Variants in LPO observed in about 807,000 individuals in gnomAD.
The protein encoded by LPO is lactoperoxidase.
LPO carries 70 observed loss-of-function variants against 68.4 expected under a neutral mutation model. The observed-to-expected ratio is 1.02, with a 90% confidence interval of 0.84 to 1.25. LPO has a LOEUF of 1.25. LPO is among the 50% of genes most tolerant of loss of function. The probability of loss-of-function intolerance (pLI) is 0.00; values close to 1 mark genes in which losing one functional copy is unlikely to be tolerated. For missense variants in LPO, 873 were observed against 908.4 expected, an observed-to-expected ratio of 0.96 and a Z score of 0.50; for synonymous variants, 360 against 357.6, an observed-to-expected ratio of 1.01 and a Z score of -0.08.
At chr17:58,247,763 C>G in intron 4 of LPO, 125 bp downstream of exon 4, 1 of 1,086,210 alleles carries the variant, frequency 9.2e-7, no homozygotes, top group South Asian at 1.6e-5. Flanking sequence ...TCCTGTCTCT[C>G]CCTTCTTAGA....
At chr17:58,255,079 C>A in intron 9 of LPO, 108 bp downstream of exon 9, 1 of 1,133,698 alleles carries the variant, frequency 8.8e-7, no homozygotes, top group African/African-American at 1.6e-5. Flanking sequence ...TCCCACACCT[C>A]CGTTTCCCCC....
chr17:58,241,355 C>T (rs993218990), intron 1 of LPO, among the ~76,000 whole-genome samples: 2 of 152,028 alleles, frequency 1.3e-5, no homozygotes, highest in African/African-American at 4.8e-5. Flanking sequence ...AAGTGATCCG[C>T]CTGCCTCAGC....
chr17:58,253,772 G>A (rs1385667689), intron 8 of LPO, among the ~76,000 whole-genome samples: 1 of 152,142 alleles, frequency 6.6e-6, no homozygotes, highest in East Asian at 1.9e-4. Context: ...GTTCTTTCTT[G>A]TTTTTCATAA....
intron 2 of LPO, 24 bp from the exon 3 acceptor site, chr17:58,243,970 C>T (rs1309168182): frequency 1.3e-6 from 2 of 1,558,164 alleles, no homozygotes; most frequent in Admixed American, 3.3e-5. Flanking sequence ...CACCCTACTT[C>T]CTGCTCCCCA....
At chr17:58,249,807 C>T in intron 6 of LPO, 112 bp downstream of exon 6, 6 of 1,371,102 alleles carry the variant, frequency 4.4e-6, no homozygotes, top group East Asian at 2.7e-5. Flanking sequence ...CAGGGGTGCG[C>T]GATGGAGATC....
At chr17:58,239,002 A>G (rs1448964975) in intron 1 of LPO, among the ~76,000 whole-genome samples, 1 of 152,098 alleles carries the variant, frequency 6.6e-6, no homozygotes, top group African/African-American at 2.4e-5. Flanking sequence ...TTAGGGCTGG[A>G]AGGTACCATA....
Position 58,249,663 on chromosome 17 carries a change from G to A in LPO, c.541G>A (p.Gly181Arg). 6.3e-7 allele frequency: 1 copy of A among 1,585,616 alleles called. No homozygotes were observed. Among genetic ancestry groups the A allele is most frequent in the Non-Finnish European group, 8.5e-7 (1 of 1,172,336 alleles). The part of the protein sequence containing the change: ...GLSLPFGWTP[G>R]KTRNGFPLPL... ...CTCCCTGCCCTTCGGCTGGACGCCG[G>A]GGAAGACGCGCAACGGCTTCCCTCT... Residue 181 changes from glycine (G) to arginine (R), a missense_variant, in exon 6 of 13, where the codon GGG becomes AGG. Transcript: ENST00000262290.
At chr17:58,266,656 T>C (rs750033329) in intron 11 of LPO, among the ~76,000 whole-genome samples, 7 of 151,900 alleles carry the variant, frequency 4.6e-5, no homozygotes, top group Admixed American at 2.0e-4. Flanking sequence ...ATAGTCTTGC[T>C]ATGTTGCCCA....
chr17:58,255,209 C>G (rs746014802), intron 9 of LPO, among the ~76,000 whole-genome samples: 1 of 152,176 alleles, frequency 6.6e-6, no homozygotes, highest in Non-Finnish European at 1.5e-5. Context: ...GTCACTTGTG[C>G]GTTGGTCCCT....
chr17:58,246,591 G>T (rs1969856467), intron 3 of LPO, among the ~76,000 whole-genome samples: 1 of 152,178 alleles, frequency 6.6e-6, no homozygotes, highest in South Asian at 2.1e-4. Flanking sequence ...GGGCGGGAAA[G>T]GAAGGAACAT....
rs1411248861 is a variant in LPO at position 58,264,907 on chromosome 17, A to G, written c.1452A>G (p.Pro484=). The G allele has an allele frequency of 4.3e-6, 7 of 1,614,082 alleles. No homozygotes were observed. The highest frequency in any genetic ancestry group is 2.7e-5 in the African/African-American group (2 of 74,930). The change falls in exon 10 of 13, where the codon CCA becomes CCG. Residue 484 remains proline (P), a synonymous_variant. Coordinates refer to ENST00000262290, the MANE Select transcript of LPO (RefSeq NM_006151.3). ...SMFRLDENYQ[P]WGPEPELPLH... is the part of the protein sequence containing the mutation. ...TCCGCCTGGATGAGAATTATCAGCC[A>G]TGGGGGCCAGAACCAGAACTCCCCC... is the stretch of plus-strand genomic sequence containing the variant.
At position 58,264,963 on chromosome 17, in the gene LPO, T is replaced by A; in HGVS notation, c.1508T>A (p.Met503Lys). The A allele has an allele frequency of 1.2e-6, 2 of 1,614,164 alleles. No homozygotes were observed. Among genetic ancestry groups the A allele is most frequent in the Non-Finnish European group, 1.7e-6 (2 of 1,179,984 alleles). Residue 503 changes from methionine to lysine, a missense_variant, in exon 10 of 13, where the codon ATG (methionine) becomes AAG (lysine). Transcript: ENST00000262290. ...ACCCTCTTCTTCAACACTTGGAGGA[T>A]GGTCAAAGATGGTATGCCCTTTCAG... ...LHTLFFNTWRMVKDGGIDPLV... is the reference protein window; with the variant it reads ...LHTLFFNTWRKVKDGGIDPLV...
intron 10 of LPO, 139 bp from the exon 11 acceptor site, chr17:58,266,014 C>T: frequency 1.3e-6 from 1 of 768,494 alleles, no homozygotes; most frequent in Non-Finnish European, 2.1e-6. Context: ...GTGCTCTTCT[C>T]TCCCTCCTTC....
rs200863241 is a variant in LPO, at chr17:58,264,884, C to T, written c.1429C>T (p.Arg477Cys). 33 of 1,614,100 alleles carry T rather than the reference C, an allele frequency of 2.0e-5. No individual in the cohort carries two copies. Among genetic ancestry groups the T allele is most frequent in the Non-Finnish European group, 2.5e-5 (30 of 1,180,054 alleles). Residue 477 changes from arginine to cysteine, a missense_variant, in exon 10 of 13, where the codon CGC becomes TGC. Arg to Cys is a radical substitution (Grantham distance 180, BLOSUM62 -3). Coordinates refer to ENST00000262290, the MANE Select transcript of LPO (RefSeq NM_006151.3). ...CTTGGAGGTCCCCTCTAGTATGTTC[C>T]GCCTGGATGAGAATTATCAGCCATG... ...GHLEVPSSMF[R>C]LDENYQPWGP...
intron 1 of LPO, 180 bp from the exon 2 acceptor site, chr17:58,242,798 C>G (rs1969781069): frequency 1.7e-6 from 1 of 571,990 alleles, no homozygotes; most frequent in Non-Finnish European, 3.1e-6. Flanking sequence ...TCCATCTCTC[C>G]CAGTACCTAG....
intron 9 of LPO, among the ~76,000 whole-genome samples, chr17:58,261,177 T>C (rs1453977612): frequency 6.6e-6 from 1 of 152,230 alleles, no homozygotes; most frequent in Non-Finnish European, 1.5e-5. Flanking sequence ...CTCCAGCTAA[T>C]TTTCTGTCTA....
chr17:58,243,669 T>C (rs1969800072), intron 2 of LPO: 1 of 402,666 alleles, frequency 2.5e-6, no homozygotes. Context: ...CACAAGACCA[T>C]CTCACCAGGA....
At chr17:58,241,171 C>T (rs556476858) in intron 1 of LPO, among the ~76,000 whole-genome samples, 18 of 125,272 alleles carry the variant, frequency 1.4e-4, no homozygotes, top group African/African-American at 4.8e-4. Context: ...AGTGCAGTGG[C>T]GCAATCTTGG....
At chr17:58,249,289 G>T in intron 5 of LPO, 112 bp downstream of exon 5, 1 of 1,029,480 alleles carries the variant, frequency 9.7e-7, no homozygotes, top group Non-Finnish European at 1.4e-6. Context: ...TTGCCCACCT[G>T]GGCTGGCGTT....
Sources: gnomAD v4.1 joint callset for allele counts (sites outside exome capture counted in the v4.1 genomes callset) on GRCh38, gnomAD v4.1.1 for gene constraint, MANE v1.5 for transcripts, NCBI Gene and HGNC (gene_info 2026-07-23, HGNC 2026-07-21) for gene names.